ARHGAP29: variants seen among roughly 807,000 people sequenced by gnomAD.
ARHGAP29 encodes rho GTPase-activating protein 29.
A neutral mutation model predicts 122.6 loss-of-function variants in ARHGAP29; 43 were observed. That is an observed-to-expected ratio of 0.35 (90% CI 0.27 to 0.45). The LOEUF is 0.45. Among genes scored for constraint, ARHGAP29 ranks in the 20% least tolerant of loss-of-function variants. The pLI, the probability that ARHGAP29 is intolerant of heterozygous loss-of-function variation, is 1.00. For synonymous variants in ARHGAP29, 506 were observed against 497.1 expected (o/e 1.02, Z -0.24); for missense variants, 1,303 against 1,477.2 (o/e 0.88, Z 1.93).
Position 94,188,822 on chromosome 1 carries a change from T to TA in ARHGAP29, c.1681+14dup, listed in dbSNP as rs1218437806. 3 of 1,596,292 alleles carry TA rather than the reference T, an allele frequency of 1.9e-6. No homozygotes were observed. The highest frequency in any genetic ancestry group is 2.6e-6 in the Non-Finnish European group (3 of 1,169,370). ...TTCAATGAGTTTTCATTGCCAGACT[T>TA]AAATATAGATGTACCTGGACTTATA... On this transcript the variant is annotated intron_variant, in intron 15 of 22. Transcript: ENST00000260526.
At chr1:94,205,549 A>G in intron 6 of ARHGAP29, 86 bp downstream of exon 6, 1 of 1,252,206 alleles carries the variant, frequency 8.0e-7, no homozygotes, top group Non-Finnish European at 1.1e-6. Flanking sequence ...ACACTAGGTT[A>G]CTAAGCAAGA....
At chr1:94,179,598 A>G in intron 20 of ARHGAP29, 127 bp downstream of exon 20, 1 of 486,320 alleles carries the variant, frequency 2.1e-6, no homozygotes, top group South Asian at 2.9e-5. Context: ...GTCTCAAAAA[A>G]AAAAAAAAAA....
intron 1 of ARHGAP29, among the ~76,000 whole-genome samples, chr1:94,233,411 T>TAGCAGTGG (rs11281663): frequency 6.6e-6 from 1 of 151,594 alleles, no homozygotes; most frequent in African/African-American, 2.4e-5. Flanking sequence ...GCTACCACAC[T>TAGCAGTGG]AGTGAATTAC....
At chr1:94,202,757 C>T in intron 10 of ARHGAP29, 25 bp from the exon 11 acceptor site, 2 of 1,602,268 alleles carry the variant, frequency 1.2e-6, no homozygotes, top group Non-Finnish European at 1.7e-6. Flanking sequence ...GTATTAAACA[C>T]AGAATATGAA....
chr1:94,231,490 T>A lies in ARHGAP29; in HGVS notation c.122A>T (p.Asp41Val). The change falls in exon 2 of 23, where the codon GAT becomes GTT. Residue 41 changes from aspartate (D) to valine (V), a missense_variant. By Grantham distance (152) the Asp-to-Val change is radical. Coordinates refer to ENST00000260526, the MANE Select transcript of ARHGAP29 (RefSeq NM_004815.4). The stretch of plus-strand genomic sequence containing the variant: ...CACCAACTCCTTGATGTAATCCGGA[T>A]CAAAAATAGAGTTGGAACTTAAGGA... Reference protein sequence around the residue: ...LKSLSSNSIFDPDYIKELVND... With the variant: ...LKSLSSNSIFVPDYIKELVND... 1 of 1,613,770 alleles carries A rather than the reference T, an allele frequency of 6.2e-7. No individual in the cohort carries two copies. Among genetic ancestry groups the A allele is most frequent in the Non-Finnish European group, 8.5e-7 (1 of 1,179,752 alleles).
intron 1 of ARHGAP29, chr1:94,250,643 A>G (rs1458402244): frequency 6.6e-6 from 1 of 152,236 alleles, no homozygotes; most frequent in Non-Finnish European, 1.5e-5. Flanking sequence ...CAAGGAATCA[A>G]TTCAGACCTC....
rs1247943198 is a variant in ARHGAP29, at chr1:94,171,695, T to C, written c.*2174A>G. The C allele has an allele frequency of 6.6e-6, 1 of 152,146 alleles. No individual in the cohort carries two copies. Among genetic ancestry groups the C allele is most frequent in the Non-Finnish European group, 1.5e-5 (1 of 68,038 alleles). 9.4% of individuals were successfully genotyped at this position (152,146 alleles called of 1,614,324 possible). Reference sequence around the variant, plus strand: ...CATCTAGAGGCTTAAGGCTCTACGCTGGACAAAGTGCCAGGGAGCCCTAAA... The same window carrying C: ...CATCTAGAGGCTTAAGGCTCTACGCCGGACAAAGTGCCAGGGAGCCCTAAA... On this transcript the variant is annotated 3_prime_UTR_variant, in exon 23 of 23. Transcript: ENST00000260526.
rs943337977 is a variant in ARHGAP29 at position 94,237,561 on chromosome 1, A to G, written c.-179T>C. On this transcript the variant is annotated 5_prime_UTR_variant, in exon 1 of 23. Transcript: ENST00000260526. ...CTCAGCCGCAGCCGCAGCCGCAGCC[A>G]CAGCCACAGGCACCACCACCACTGC... 6.9e-5 allele frequency: 68 copies of G among 990,884 alleles called. No individual in the cohort carries two copies. Among genetic ancestry groups the G allele is most frequent in the Admixed American group, 3.7e-4 (6 of 16,268 alleles). The allele number at this position is 990,884 out of a possible 1,614,324, so 61.4% of individuals were successfully genotyped here.
In ARHGAP29 at chr1:94,184,159, G is replaced by T; in HGVS notation, c.2239C>A (p.Leu747Ile). 6.2e-7 allele frequency: 1 copy of T among 1,604,140 alleles called. No individual in the cohort carries two copies. The highest frequency in any genetic ancestry group is 8.5e-7 in the Non-Finnish European group (1 of 1,177,356). Residue 747 changes from leucine (L) to isoleucine (I), a missense_variant, in exon 19 of 23, where the codon CTT becomes ATT. Transcript: ENST00000260526. ...HDICDVLKLY[L>I]RQLPEPFILF... ...AGGGTAAAAATTTTTACCTGCCGAAGGTATAATTTCAAGACGTCACAGATA... is the reference window on the plus strand; with the variant it reads ...AGGGTAAAAATTTTTACCTGCCGAATGTATAATTTCAAGACGTCACAGATA...
At chr1:94,314,467 T>A in the ARHGAP29 span, among the ~76,000 whole-genome samples, 5 of 152,254 alleles carry the variant, frequency 3.3e-5, no homozygotes, top group African/African-American at 1.2e-4. Flanking sequence ...AACCCACAGG[T>A]CTTTCTCATT....
intron 1 of ARHGAP29, among the ~76,000 whole-genome samples, chr1:94,247,118 G>A (rs186569737): frequency 2.0e-5 from 3 of 152,270 alleles, no homozygotes; most frequent in Admixed American, 1.3e-4. Flanking sequence ...GCCTTTGCAT[G>A]TGTCAGACTG....
chr1:94,173,302 ATG>A lies in ARHGAP29; in HGVS notation c.*565_*566del, dbSNP rs1264061106. ...CAGATTTGCAAGCCTTCTGGCCATT[ATG>A]TAAACATTTAAAAATTAACTGAATT... On this transcript the variant is annotated 3_prime_UTR_variant, in exon 23 of 23. Transcript: ENST00000260526. 6.5e-6 allele frequency: 1 copy of A among 152,740 alleles called. No homozygotes were observed. The highest frequency in any genetic ancestry group is 1.5e-5 in the Non-Finnish European group (1 of 68,100). 9.5% of individuals were successfully genotyped at this position (152,740 alleles called of 1,614,324 possible).
intron 15 of ARHGAP29, among the ~76,000 whole-genome samples, chr1:94,187,427 A>T (rs1327313038): frequency 6.6e-6 from 1 of 152,226 alleles, no homozygotes; most frequent in Non-Finnish European, 1.5e-5. Flanking sequence ...ATGACTGATA[A>T]ATCACAAGGT....
In ARHGAP29 at chr1:94,169,891, G is replaced by A. The variant is rs1023736916; in HGVS notation, c.*3978C>T. Reference sequence around the variant, plus strand: ...AAAAACCAAATCGGGGAAAATTTCAGCATGAAAATAAGTGACAATAATACA... The same window carrying A: ...AAAAACCAAATCGGGGAAAATTTCAACATGAAAATAAGTGACAATAATACA... On this transcript the variant is annotated 3_prime_UTR_variant, in exon 23 of 23. Coordinates refer to ENST00000260526, the MANE Select transcript of ARHGAP29 (RefSeq NM_004815.4). Among the ~76,000 whole-genome samples the A allele has an allele frequency of 3.9e-5, 6 of 152,234 alleles. No individual in the cohort carries two copies. Among genetic ancestry groups the A allele is most frequent in the African/African-American group, 1.4e-4 (6 of 41,552 alleles).
At chr1:94,299,310 T>C in the ARHGAP29 span, among the ~76,000 whole-genome samples, 1 of 152,234 alleles carries the variant, frequency 6.6e-6, no homozygotes, top group Non-Finnish European at 1.5e-5. Context: ...CTAATTTTTT[T>C]CCTTCAGTTT....
In ARHGAP29 at chr1:94,202,638, T is replaced by A; in HGVS notation, c.1049A>T (p.Glu350Val). The A allele has an allele frequency of 1.2e-6, 2 of 1,614,250 alleles. No individual in the cohort carries two copies. The highest frequency in any genetic ancestry group is 1.7e-6 in the Non-Finnish European group (2 of 1,180,046). The change falls in exon 11 of 23, where the codon GAA (glutamate) becomes GTA (valine). Residue 350 changes from glutamate (E) to valine (V), a missense_variant. Physicochemically the swap from Glu to Val is moderately radical, Grantham distance 121 (BLOSUM62 -2). Around this residue, in one of 3 missense-constraint regions of ARHGAP29, gnomAD observed 592 missense variants for 648.2 expected, o/e 0.91. Coordinates refer to ENST00000260526, the MANE Select transcript of ARHGAP29 (RefSeq NM_004815.4). ...EKAKSSMFRA[E>V]EEHLSSSGGL... The stretch of plus-strand genomic sequence containing the variant: ...GCCACTTGAAGACAGATGCTCCTCT[T>A]CTGCACGAAACATGGAAGACTTTGC...
At chr1:94,199,574 C>T (rs930008279) in intron 12 of ARHGAP29, among the ~76,000 whole-genome samples, 1 of 152,156 alleles carries the variant, frequency 6.6e-6, no homozygotes, top group African/African-American at 2.4e-5. Context: ...TAGATCCAGC[C>T]ACCTCCTTCT....
rs1652915335 is a variant in ARHGAP29 at position 94,231,481 on chromosome 1, T to C, written c.131A>G (p.Tyr44Cys). The C allele has an allele frequency of 6.2e-7, 1 of 1,613,694 alleles. No homozygotes were observed. Residue 44 changes from tyrosine (Y) to cysteine (C), a missense_variant, in exon 2 of 23, where the codon TAC (tyrosine) becomes TGC (cysteine). By Grantham distance (194) the Tyr-to-Cys change is radical (BLOSUM62 -2). Coordinates refer to ENST00000260526, the MANE Select transcript of ARHGAP29 (RefSeq NM_004815.4). ...GATATCATTCACCAACTCCTTGATG[T>C]AATCCGGATCAAAAATAGAGTTGGA... Reference protein sequence around the residue: ...LSSNSIFDPDYIKELVNDIRK... With the variant: ...LSSNSIFDPDCIKELVNDIRK...
At chr1:94,265,633 A>T (rs1654742073) in intron 1 of ARHGAP29, among the ~76,000 whole-genome samples, 1 of 152,140 alleles carries the variant, frequency 6.6e-6, no homozygotes, top group African/African-American at 2.4e-5. Flanking sequence ...GTTCTTACCC[A>T]GTTCTATGTT....
Sources: gnomAD v4.1 joint callset for allele counts (sites outside exome capture counted in the v4.1 genomes callset) on GRCh38, gnomAD v4.1.1 for gene constraint, gnomAD v4.1.1 regional missense constraint, MANE v1.5 for transcripts, NCBI Gene and HGNC (gene_info 2026-07-23, HGNC 2026-07-21) for gene names.